GPC3: variants seen among roughly 807,000 people sequenced by gnomAD.
The protein encoded by GPC3 is glypican 3, also known as glypican-3.
Under a neutral mutation model 34.4 loss-of-function variants are expected in GPC3, and 3 were observed. The observed-to-expected ratio is 0.09, with a 90% confidence interval of 0.04 to 0.23. The LOEUF (loss-of-function observed/expected upper bound fraction) is 0.23, where lower values mean the gene tolerates loss of function less well. Among genes scored for constraint, GPC3 ranks in the 10% least tolerant of loss-of-function variants. The pLI, the probability that GPC3 is intolerant of heterozygous loss-of-function variation, is 1.00. For missense variants in GPC3, 351 were observed against 445.6 expected, an observed-to-expected ratio of 0.79 and a Z score of 1.91; for synonymous variants, 177 against 174.0, an observed-to-expected ratio of 1.02 and a Z score of -0.13.
At chrX:133,575,825 T>TACC (rs1446611707) in intron 7 of GPC3, among the ~76,000 whole-genome samples, 1 of 111,766 alleles carries the variant, frequency 8.9e-6, no homozygotes, top group Admixed American at 9.5e-5. Context: ...CTTACTTGAA[T>TACC]ACCACATGCT....
chrX:133,910,084 C>T (rs2076190536), intron 2 of GPC3, among the ~76,000 whole-genome samples: 1 of 110,488 alleles, frequency 9.1e-6, no homozygotes, highest in Non-Finnish European at 1.9e-5. Flanking sequence ...TGCCTGACCC[C>T]CTACTCCATC....
At chrX:133,671,573 TCTC>T (rs1239435756) in intron 5 of GPC3, among the ~76,000 whole-genome samples, 1 of 112,217 alleles carries the variant, frequency 8.9e-6, no homozygotes, top group African/African-American at 3.2e-5. Context: ...GTACCTGTGT[TCTC>T]CAACAACAGC....
intron 3 of GPC3, among the ~76,000 whole-genome samples, chrX:133,738,372 C>G (rs1311799785): frequency 9.0e-6 from 1 of 111,426 alleles, no homozygotes; most frequent in Non-Finnish European, 1.9e-5. Flanking sequence ...ACCCGTAATC[C>G]CAAGAGTCAG....
chrX:133,945,304 T>A (rs1420058726), intron 2 of GPC3, among the ~76,000 whole-genome samples: 1 of 111,276 alleles, frequency 9.0e-6, no homozygotes, highest in Non-Finnish European at 1.9e-5. Flanking sequence ...GGTGGGAGGA[T>A]CCCTTGAGCC....
chrX:133,952,488 A>G (rs2076397161), intron 2 of GPC3, among the ~76,000 whole-genome samples: 1 of 112,343 alleles, frequency 8.9e-6, no homozygotes, highest in African/African-American at 3.2e-5. Flanking sequence ...GTTAGCAAGG[A>G]GAAGTGTCAT....
rs187424919 is a variant in GPC3, at chrX:133,811,228, C to T, written c.338-57052G>A. On this transcript the variant is annotated intron_variant, in intron 2 of 7. Coordinates refer to ENST00000370818, the MANE Select transcript of GPC3 (RefSeq NM_004484.4). ...TATACAGCTCTAGTTAATTACATCTCTCTAGCTAACGTACTTAAAATTACA... is the reference window on the plus strand; with the variant it reads ...TATACAGCTCTAGTTAATTACATCTTTCTAGCTAACGTACTTAAAATTACA... 3.0e-4 allele frequency among the ~76,000 whole-genome samples: 34 copies of T among 111,888 alleles called. 1 individual carries two copies. Among genetic ancestry groups the T allele is most frequent in the Admixed American group, 3.0e-3 (32 of 10,574 alleles).
chrX:133,806,785 A>T (rs909564499), intron 2 of GPC3, among the ~76,000 whole-genome samples: 1 of 109,609 alleles, frequency 9.1e-6, no homozygotes, highest in African/African-American at 3.3e-5. Flanking sequence ...AGTAGCTGGG[A>T]CTACAGGCGC....
chrX:133,619,073 A>C (rs962976442), intron 6 of GPC3, among the ~76,000 whole-genome samples: 1 of 112,389 alleles, frequency 8.9e-6, no homozygotes. Flanking sequence ...GAAATTGCCA[A>C]TGAAAAGATG....
chrX:133,770,185 G>A (rs2071900529), intron 2 of GPC3, among the ~76,000 whole-genome samples: 1 of 111,516 alleles, frequency 9.0e-6, no homozygotes, highest in Admixed American at 9.5e-5. Flanking sequence ...GCTGAGGCAG[G>A]GGGACTGCTT....
rs1491549019 is a variant in GPC3 at position 133,655,474 on chromosome X, ACC to A, written c.1413+6254_1413+6255del. ...CTTGTAGGTACTCTGTCCTTCACAC[ACC>A]CACACACACACACACACACACACAC... On this transcript the variant is annotated intron_variant, in intron 6 of 7. Coordinates refer to ENST00000370818, the MANE Select transcript of GPC3 (RefSeq NM_004484.4). Among the ~76,000 whole-genome samples, 526 of 101,862 alleles carry A rather than the reference ACC, an allele frequency of 5.2e-3. 3 individuals carry two copies. The highest frequency in any genetic ancestry group is 0.02 in the African/African-American group (499 of 24,347). The allele number at this position is 101,862 out of a possible 115,157, so 88.5% of individuals were successfully genotyped here.
intron 2 of GPC3, among the ~76,000 whole-genome samples, chrX:133,900,094 C>T (rs1379999562): frequency 6.2e-5 from 7 of 112,061 alleles, no homozygotes; most frequent in African/African-American, 1.6e-4. Flanking sequence ...TGAGCCACCG[C>T]GCCCGGCCGG....
intron 2 of GPC3, among the ~76,000 whole-genome samples, chrX:133,848,564 T>C (rs1458884864): frequency 8.9e-6 from 1 of 112,155 alleles, no homozygotes; most frequent in East Asian, 2.8e-4. Flanking sequence ...CTGAAATCAA[T>C]TGGAAATAGA....
intron 2 of GPC3, among the ~76,000 whole-genome samples, chrX:133,819,142 C>A (rs746511052): frequency 1.7e-5 from 1 of 58,285 alleles, no homozygotes; most frequent in Non-Finnish European, 3.0e-5. Context: ...ATCCCTCCCC[C>A]CTCCCCCCAC....
At chrX:133,788,088 T>TATA in intron 2 of GPC3, among the ~76,000 whole-genome samples, 1 of 64,917 alleles carries the variant, frequency 1.5e-5, no homozygotes, top group Non-Finnish European at 2.6e-5. Flanking sequence ...TCATATTATT[T>TATA]TATATATATA....
chrX:133,702,789 C>T (rs2124439837), intron 3 of GPC3, among the ~76,000 whole-genome samples: 1 of 111,845 alleles, frequency 8.9e-6, no homozygotes, highest in Non-Finnish European at 1.9e-5. Context: ...AATAACCCTA[C>T]TCCTCCATCT....
intron 2 of GPC3, among the ~76,000 whole-genome samples, chrX:133,907,055 C>T (rs1158684742): frequency 1.8e-5 from 2 of 108,247 alleles, no homozygotes; most frequent in East Asian, 2.9e-4. Context: ...GAGCCGAGAT[C>T]GCACCACTGC....
At chrX:133,941,365 A>T (rs1252565372) in intron 2 of GPC3, among the ~76,000 whole-genome samples, 3 of 112,835 alleles carry the variant, frequency 2.7e-5, no homozygotes, top group Non-Finnish European at 5.6e-5. Context: ...TTTCTAGACC[A>T]AAATTACTTC....
At chrX:133,862,694 T>C (rs757479765) in intron 2 of GPC3, among the ~76,000 whole-genome samples, 1 of 105,726 alleles carries the variant, frequency 9.5e-6, no homozygotes, top group East Asian at 2.9e-4. Flanking sequence ...CATCTCAAAA[T>C]AATAATAATA....
intron 7 of GPC3, among the ~76,000 whole-genome samples, chrX:133,584,870 C>T (rs1246917543): frequency 7.6e-5 from 8 of 104,582 alleles, no homozygotes; most frequent in Non-Finnish European, 1.5e-4. Context: ...TGCTGGTGCT[C>T]GTGTTCTCAC....
Sources: gnomAD v4.1 joint callset for allele counts (sites outside exome capture counted in the v4.1 genomes callset) on GRCh38, gnomAD v4.1.1 for gene constraint, MANE v1.5 for transcripts, NCBI Gene and HGNC (gene_info 2026-07-23, HGNC 2026-07-21) for gene names.